The following AGBL4 variants were observed in gnomAD, a reference collection of about 807,000 sequenced individuals.
AGBL4 encodes the protein cytosolic carboxypeptidase 6.
In AGBL4, 58 loss-of-function variants were observed where a neutral mutation model predicts 66.4. That is an observed-to-expected ratio of 0.87 (90% confidence interval 0.71 to 1.09). The LOEUF is 1.09. Among genes scored for constraint, AGBL4 ranks in the 50% least tolerant of loss-of-function variants. The pLI is 0.00. For synonymous variants in AGBL4, 234 were observed against 222.9 expected, an observed-to-expected ratio of 1.05 and a Z score of -0.44; for missense variants, 579 against 631.0, an observed-to-expected ratio of 0.92 and a Z score of 0.88.
rs185350284 is a variant in AGBL4, at chr1:49,023,471, G to A, written c.594+22113C>T. On this transcript the variant is annotated intron_variant, in intron 5 of 13. Transcript: ENST00000371839. ...ATTGGAATAGGCCCAAGAGTAAGTT[G>A]GGCCAAATGATTTATTCAGATCTCC... 8.5e-5 allele frequency among the ~76,000 whole-genome samples: 13 copies of A among 152,162 alleles called. No homozygotes were observed. The East Asian group carries it at 2.5e-3, about 29-fold the overall frequency.
intron 3 of AGBL4, among the ~76,000 whole-genome samples, chr1:49,554,146 A>G (rs1039670620): frequency 6.6e-6 from 1 of 152,200 alleles, no homozygotes; most frequent in African/African-American, 2.4e-5. Context: ...ACACACACAC[A>G]CACACAGTCT....
chr1:49,243,412 C>T (rs936016718), intron 4 of AGBL4, among the ~76,000 whole-genome samples: 1 of 151,576 alleles, frequency 6.6e-6, no homozygotes, highest in African/African-American at 2.4e-5. Flanking sequence ...CCTTATCAAA[C>T]CCTGGGAACA....
In AGBL4 at chr1:48,533,485, T is replaced by A. The variant is rs1160392251; in HGVS notation, c.*688A>T. 1.3e-5 allele frequency: 2 copies of A among 152,666 alleles called. No homozygotes were observed. The highest frequency in any genetic ancestry group is 2.9e-5 in the Non-Finnish European group (2 of 68,462). 9.5% of individuals were successfully genotyped at this position (152,666 alleles called of 1,614,324 possible). ...GGAGACCTTAACCATAATAAACCTT[T>A]TAAAATGAGTGACCAGTGCTTTTTG... On this transcript the variant is annotated 3_prime_UTR_variant, in exon 14 of 14. Coordinates refer to ENST00000371839, the MANE Select transcript of AGBL4 (RefSeq NM_032785.4).
intron 1 of AGBL4, among the ~76,000 whole-genome samples, chr1:49,924,152 A>G (rs1652536424): frequency 6.6e-6 from 1 of 152,142 alleles, no homozygotes; most frequent in Non-Finnish European, 1.5e-5. Flanking sequence ...ACAGGGTTGG[A>G]GCTGGGGGCC....
At chr1:49,148,132 A>G (rs1646255817) in intron 4 of AGBL4, among the ~76,000 whole-genome samples, 1 of 152,204 alleles carries the variant, frequency 6.6e-6, no homozygotes, top group Admixed American at 6.5e-5. Flanking sequence ...AATACTTTGT[A>G]GGACTATAGT....
intron 11 of AGBL4, among the ~76,000 whole-genome samples, chr1:48,565,507 C>T (rs1644462575): frequency 6.6e-6 from 1 of 152,164 alleles, no homozygotes; most frequent in Non-Finnish European, 1.5e-5. Flanking sequence ...AAAACATGAT[C>T]TTTGGTTCCT....
At chr1:49,574,069 C>A (rs374786189) in intron 3 of AGBL4, among the ~76,000 whole-genome samples, 1 of 152,096 alleles carries the variant, frequency 6.6e-6, no homozygotes, top group Admixed American at 6.5e-5. Context: ...ACCCCAACAC[C>A]GCTGTTTGCT....
At chr1:49,494,409 A>G (rs1435027201) in intron 3 of AGBL4, among the ~76,000 whole-genome samples, 4 of 151,922 alleles carry the variant, frequency 2.6e-5, no homozygotes, top group Non-Finnish European at 4.4e-5. Context: ...ATATCTCCCA[A>G]TGCTATCCCT....
intron 4 of AGBL4, among the ~76,000 whole-genome samples, chr1:49,089,541 C>T (rs1050681654): frequency 1.3e-5 from 2 of 151,954 alleles, no homozygotes; most frequent in African/African-American, 4.8e-5. Flanking sequence ...CAAGACTGAA[C>T]AAGGAAGAAG....
At chr1:48,706,842 T>G (rs377655369) in intron 6 of AGBL4, among the ~76,000 whole-genome samples, 104 of 152,334 alleles carry the variant, frequency 6.8e-4, no homozygotes, top group African/African-American at 2.2e-3. Context: ...ATCCAAGCTG[T>G]CTATGCTCTG....
chr1:49,926,599 TCAGA>T (rs956879050), intron 1 of AGBL4, among the ~76,000 whole-genome samples: 1 of 152,178 alleles, frequency 6.6e-6, no homozygotes, highest in African/African-American at 2.4e-5. Context: ...ATGAGACCTT[TCAGA>T]CAGAGAATTA....
chr1:49,094,206 T>G (rs1645050400), intron 4 of AGBL4, among the ~76,000 whole-genome samples: 1 of 152,094 alleles, frequency 6.6e-6, no homozygotes, highest in Non-Finnish European at 1.5e-5. Context: ...GGGCAGTAGG[T>G]TGAATACTAC....
At chr1:49,398,333 T>TTCTCTCTCTCTCTCTCTCTCTCTC (rs36025670) in intron 3 of AGBL4, among the ~76,000 whole-genome samples, 2 of 143,600 alleles carry the variant, frequency 1.4e-5, no homozygotes, top group Non-Finnish European at 3.0e-5. Flanking sequence ...CTCTCTCTCT[T>TTCTCTCTCTCTCTCTCTCTCTCTC]TCTCTCTCTC....
chr1:48,523,145 AGG>A, the AGBL4 span, among the ~76,000 whole-genome samples: 1 of 152,078 alleles, frequency 6.6e-6, no homozygotes, highest in Non-Finnish European at 1.5e-5. Context: ...AGGCTTAGAG[AGG>A]GAGAGTGACT....
intron 5 of AGBL4, among the ~76,000 whole-genome samples, chr1:49,026,159 T>C (rs941475156): frequency 7.9e-5 from 12 of 152,194 alleles, no homozygotes; most frequent in Admixed American, 1.3e-4. Context: ...GCATAAAAAT[T>C]GAGCTCTAGT....
At chr1:49,137,132 C>T (rs1646027409) in intron 4 of AGBL4, among the ~76,000 whole-genome samples, 1 of 151,978 alleles carries the variant, frequency 6.6e-6, no homozygotes, top group African/African-American at 2.4e-5. Flanking sequence ...TTCATTTTTT[C>T]CTAATAAAGT....
intron 4 of AGBL4, among the ~76,000 whole-genome samples, chr1:49,086,309 T>G (rs918880404): frequency 6.6e-6 from 1 of 152,112 alleles, no homozygotes; most frequent in African/African-American, 2.4e-5. Context: ...CTGCTACAGC[T>G]TCCAGTCCAG....
At chr1:48,752,182 C>T (rs143369167) in intron 6 of AGBL4, among the ~76,000 whole-genome samples, 2,897 of 152,270 alleles carry the variant, frequency 0.019, 41 homozygotes, top group Non-Finnish European at 0.032. Context: ...CTTGTCCACC[C>T]GCTTTGGGCC....
At chr1:48,575,328 C>T (rs181183783) in intron 11 of AGBL4, among the ~76,000 whole-genome samples, 20 of 152,244 alleles carry the variant, frequency 1.3e-4, no homozygotes, top group Middle Eastern at 3.4e-3. Flanking sequence ...CTTTCAGAGC[C>T]GATCTCCCAG....
Sources: allele counts gnomAD v4.1 joint callset (sites outside exome capture counted in the v4.1 genomes callset), GRCh38; gene constraint gnomAD v4.1.1; transcripts MANE v1.5; gene names NCBI Gene and HGNC (gene_info 2026-07-23, HGNC 2026-07-21).